Variants in PCLO observed in about 807,000 individuals in gnomAD.
The protein encoded by PCLO is piccolo presynaptic cytomatrix protein.
Under a neutral mutation model 427.5 loss-of-function variants are expected in PCLO, and 82 were observed. That is an observed-to-expected ratio of 0.19 (90% CI 0.16 to 0.23). PCLO has a LOEUF of 0.23. Ranked by LOEUF, PCLO falls within the 10% of genes least tolerant of loss-of-function variation. PCLO has a pLI of 1.00. For missense variants in PCLO, 6,239 were observed against 6,115.9 expected (o/e 1.02, Z -0.67); for synonymous variants, 2,357 against 2,155.4 (o/e 1.09, Z -2.59).
rs1792262665 is a variant in PCLO at position 82,837,635 on chromosome 7, T to G, written c.14222+583A>C. 2.0e-5 allele frequency among the ~76,000 whole-genome samples: 3 copies of G among 152,108 alleles called. No homozygotes were observed. The South Asian group carries it at 6.2e-4, about 32-fold the overall frequency. On this transcript the variant is annotated intron_variant, in intron 15 of 24. Coordinates refer to ENST00000333891, the MANE Select transcript of PCLO (RefSeq NM_033026.6). ...AAGAACACTTGCTTATATCAACAAT[T>G]TATACATCACACAAGAGATTCAAAG...
chr7:82,799,000 G>T (rs1473804028), intron 22 of PCLO, among the ~76,000 whole-genome samples: 1 of 152,100 alleles, frequency 6.6e-6, no homozygotes, highest in East Asian at 1.9e-4. Flanking sequence ...CCTCTGATTG[G>T]CTCCTTCTTG....
intron 16 of PCLO, among the ~76,000 whole-genome samples, chr7:82,832,106 CATTAGGACA>C (rs929117840): frequency 4.1e-4 from 62 of 152,150 alleles, no homozygotes; most frequent in African/African-American, 1.2e-3. Flanking sequence ...AATGATTTAA[CATTAGGACA>C]ATTAGGACAA....
chr7:83,038,733 G>T (rs1371464837), intron 3 of PCLO, among the ~76,000 whole-genome samples: 5 of 151,794 alleles, frequency 3.3e-5, no homozygotes, highest in African/African-American at 9.7e-5. Flanking sequence ...ATGTCTCTTC[G>T]GTATCTATGT....
chr7:82,958,963 C>A (rs1159290419), intron 4 of PCLO, among the ~76,000 whole-genome samples: 1 of 152,260 alleles, frequency 6.6e-6, no homozygotes, highest in South Asian at 2.1e-4. Flanking sequence ...ACAGTAAACA[C>A]CATCATGATG....
At chr7:83,076,944 A>T (rs73389606) in intron 3 of PCLO, among the ~76,000 whole-genome samples, 3,672 of 151,852 alleles carry the variant, frequency 0.024, 172 homozygotes, top group African/African-American at 0.084. Context: ...TTTTTTGAGC[A>T]TTGCTCTTAC....
In PCLO at chr7:82,955,330, C is replaced by G. The variant is rs535025258; in HGVS notation, c.5623G>C (p.Glu1875Gln). ...SDPEGFEISPEKIIEVQKVYK... is the reference protein window; with the variant it reads ...SDPEGFEISPQKIIEVQKVYK... ...ACTTTTTGTACTTCTATTATTTTTT[C>G]CGGGCTTATTTCAAAACCTTCTGGG... The change falls in exon 5 of 25, where the codon GAA becomes CAA. Residue 1875 changes from glutamate to glutamine, a missense_variant. Glu to Gln is a conservative substitution (Grantham distance 29). Coordinates refer to ENST00000333891, the MANE Select transcript of PCLO (RefSeq NM_033026.6). 6.2e-7 allele frequency: 1 copy of G among 1,613,372 alleles called. No individual in the cohort carries two copies. The highest frequency in any genetic ancestry group is 8.5e-7 in the Non-Finnish European group (1 of 1,179,714).
intron 24 of PCLO, among the ~76,000 whole-genome samples, chr7:82,760,219 G>A (rs1333363390): frequency 6.6e-6 from 1 of 151,976 alleles, no homozygotes; most frequent in Non-Finnish European, 1.5e-5. Context: ...AGATAATGGT[G>A]AGTAATTGAA....
At chr7:82,816,916 G>C (rs1015224436) in intron 20 of PCLO, among the ~76,000 whole-genome samples, 3 of 152,116 alleles carry the variant, frequency 2.0e-5, no homozygotes, top group Non-Finnish European at 4.4e-5. Context: ...ACAAGAGATA[G>C]TGTGATATGG....
At chr7:82,808,778 A>G (rs1791508263) in intron 20 of PCLO, among the ~76,000 whole-genome samples, 1 of 151,958 alleles carries the variant, frequency 6.6e-6, no homozygotes, top group African/African-American at 2.4e-5. Flanking sequence ...AGTTATCACA[A>G]CAAAACATCC....
At chr7:82,848,499 CAG>C (rs1201660425) in intron 10 of PCLO, among the ~76,000 whole-genome samples, 1 of 151,410 alleles carries the variant, frequency 6.6e-6, no homozygotes, top group Non-Finnish European at 1.5e-5. Flanking sequence ...TTAGTAGAGA[CAG>C]AGTTTCACCA....
At chr7:83,070,448 C>T (rs1789783848) in intron 3 of PCLO, among the ~76,000 whole-genome samples, 1 of 148,240 alleles carries the variant, frequency 6.7e-6, no homozygotes, top group Admixed American at 6.9e-5. Flanking sequence ...AGTGCAGTGG[C>T]GTGATCTCAG....
At chr7:83,039,445 G>C (rs1241474302) in intron 3 of PCLO, among the ~76,000 whole-genome samples, 1 of 152,014 alleles carries the variant, frequency 6.6e-6, no homozygotes, top group East Asian at 1.9e-4. Context: ...AACTGTCCCA[G>C]TGCAATCTGT....
intron 3 of PCLO, among the ~76,000 whole-genome samples, chr7:83,126,858 T>C (rs1791450697): frequency 2.0e-5 from 3 of 152,114 alleles, no homozygotes; most frequent in African/African-American, 7.2e-5. Context: ...CAATGCAATA[T>C]AATTTCTGGC....
intron 1 of PCLO, among the ~76,000 whole-genome samples, chr7:83,160,628 A>G (rs1263377664): frequency 6.6e-6 from 1 of 152,158 alleles, no homozygotes; most frequent in African/African-American, 2.4e-5. Flanking sequence ...GATTTCCATC[A>G]TAATAAAATT....
chr7:82,974,696 T>C (rs1340182840), intron 3 of PCLO, among the ~76,000 whole-genome samples: 5 of 152,204 alleles, frequency 3.3e-5, no homozygotes, highest in Admixed American at 1.3e-4. Context: ...ATTTATGTTT[T>C]ATGTGCGTCA....
chr7:83,150,789 T>C (rs1792109499), intron 2 of PCLO, among the ~76,000 whole-genome samples: 1 of 152,154 alleles, frequency 6.6e-6, no homozygotes, highest in Non-Finnish European at 1.5e-5. Flanking sequence ...AAGCAAAGAT[T>C]TACATGCATA....
chr7:83,132,605 TG>T (rs1791601658), intron 3 of PCLO, among the ~76,000 whole-genome samples: 1 of 152,118 alleles, frequency 6.6e-6, no homozygotes, highest in Non-Finnish European at 1.5e-5. Context: ...ATAATTCAGA[TG>T]CACACATACA....
In PCLO at chr7:82,755,088, C is replaced by T. The variant is rs545484577; in HGVS notation, c.*3487G>A. On this transcript the variant is annotated 3_prime_UTR_variant, in exon 25 of 25. Transcript: ENST00000333891. ...ACTTTTATTTTACTTCACATCACCA[C>T]CACCGCTAATATCACTACTGCTACC... The T allele has an allele frequency of 6.6e-6, 1 of 152,128 alleles. No homozygotes were observed. The highest frequency in any genetic ancestry group is 2.1e-4 in the South Asian group (1 of 4,824). 9.4% of individuals were successfully genotyped at this position (152,128 alleles called of 1,614,324 possible). A position where few individuals can be genotyped will look rare whatever the true frequency, so the allele number is the denominator to read the frequency against.
chr7:82,873,895 A>G (rs1364588746), intron 10 of PCLO, among the ~76,000 whole-genome samples: 2 of 152,112 alleles, frequency 1.3e-5, no homozygotes, highest in Non-Finnish European at 2.9e-5. Flanking sequence ...GCAAAGTAAC[A>G]CTGAGGGAAA....
Sources: gnomAD v4.1 joint callset for allele counts (sites outside exome capture counted in the v4.1 genomes callset) on GRCh38, gnomAD v4.1.1 for gene constraint, MANE v1.5 for transcripts, NCBI Gene and HGNC (gene_info 2026-07-23, HGNC 2026-07-21) for gene names.